PVT1: variants seen among roughly 807,000 people sequenced by gnomAD.
PVT1 encodes CXCR4/PVT1 fusion.
At chr8:128,062,036 G>A (rs1256104448) in intron 4 of PVT1, among the ~76,000 whole-genome samples, 3 of 152,222 alleles carry the variant, frequency 2.0e-5, no homozygotes, top group Non-Finnish European at 2.9e-5. Context: ...GCAAGGCCAC[G>A]TGCAAGAAAA....
intron 3 of PVT1, among the ~76,000 whole-genome samples, chr8:127,983,238 A>G (rs115641867): frequency 0.043 from 6,492 of 152,276 alleles, 269 homozygotes; most frequent in African/African-American, 0.1. Flanking sequence ...CAGCCTGGCC[A>G]TGGGCTGTAG....
chr8:128,064,441 T>G (rs920853715), intron 4 of PVT1, among the ~76,000 whole-genome samples: 8 of 152,184 alleles, frequency 5.3e-5, no homozygotes, highest in Non-Finnish European at 1.0e-4. Context: ...TCCTCCCTAA[T>G]TGCCTCCCCC....
At chr8:127,951,085 A>G (rs992009058) in intron 3 of PVT1, among the ~76,000 whole-genome samples, 2 of 152,088 alleles carry the variant, frequency 1.3e-5, no homozygotes, top group Non-Finnish European at 2.9e-5. Flanking sequence ...CTTAGTAGAG[A>G]TGGGGTTTCA....
chr8:127,889,510 T>C (rs1008794846), intron 2 of PVT1, among the ~76,000 whole-genome samples: 1 of 151,556 alleles, frequency 6.6e-6, no homozygotes, highest in Non-Finnish European at 1.5e-5. Context: ...TCTCTGGGCC[T>C]CAAATTTCTC....
chr8:128,065,471 C>T (rs112552363), intron 4 of PVT1, among the ~76,000 whole-genome samples: 2,560 of 152,284 alleles, frequency 0.017, 59 homozygotes, highest in African/African-American at 0.058. Context: ...CAGGTGTGAG[C>T]CACCACGCCC....
chr8:127,917,190 T>C (rs1815995719), intron 3 of PVT1, among the ~76,000 whole-genome samples: 1 of 152,092 alleles, frequency 6.6e-6, no homozygotes, highest in African/African-American at 2.4e-5. Flanking sequence ...TGCGCTACCA[T>C]CTAATCCATC....
chr8:128,048,829 T>C (rs1479280826), intron 4 of PVT1, among the ~76,000 whole-genome samples: 3 of 152,154 alleles, frequency 2.0e-5, no homozygotes, highest in Admixed American at 2.0e-4. Context: ...TCAGGAGAAA[T>C]GTGTGGAGAG....
chr8:127,800,568 C>T lies in PVT1; in HGVS notation n.372+4497C>T, dbSNP rs143717700. Among the ~76,000 whole-genome samples, 393 of 152,278 alleles carry T rather than the reference C, an allele frequency of 2.6e-3. 1 individual carries two copies. The highest frequency in any genetic ancestry group is 9.0e-3 in the African/African-American group (375 of 41,550). On this transcript the variant is annotated intron_variant and non_coding_transcript_variant, in intron 2 of 10. Transcript: ENST00000651587. Reference sequence around the variant, plus strand: ...ATGTTTATTATTATTATATTATTCTCCTCCCTCATAAAATGGCAGCCTCCC... The same window carrying T: ...ATGTTTATTATTATTATATTATTCTTCTCCCTCATAAAATGGCAGCCTCCC...
intron 2 of PVT1, among the ~76,000 whole-genome samples, chr8:127,839,631 G>T (rs1233049807): frequency 6.6e-6 from 1 of 150,910 alleles, no homozygotes; most frequent in Non-Finnish European, 1.5e-5. Flanking sequence ...GGGACTTGAA[G>T]CCAGATAATA....
intron 2 of PVT1, among the ~76,000 whole-genome samples, chr8:127,823,259 G>GTGGC (rs1413283826): frequency 1.2e-4 from 18 of 152,202 alleles, no homozygotes; most frequent in Non-Finnish European, 5.9e-5. Context: ...GCTTTAGGCT[G>GTGGC]TGGCTGCCAG....
At chr8:127,935,673 G>A (rs1816264322) in intron 3 of PVT1, among the ~76,000 whole-genome samples, 1 of 151,760 alleles carries the variant, frequency 6.6e-6, no homozygotes, top group Non-Finnish European at 1.5e-5. Context: ...GCACAATCGT[G>A]GGAGGTTACT....
chr8:127,969,934 C>T (rs536684221), intron 3 of PVT1, among the ~76,000 whole-genome samples: 31 of 152,238 alleles, frequency 2.0e-4, no homozygotes, highest in Admixed American at 1.5e-3. Flanking sequence ...CCAGTCTGGG[C>T]GATATTCTTT....
intron 5 of PVT1, among the ~76,000 whole-genome samples, chr8:128,089,480 C>T (rs1338767702): frequency 6.6e-6 from 1 of 152,110 alleles, no homozygotes; most frequent in Non-Finnish European, 1.5e-5. Context: ...ACCATCACCC[C>T]CAAAAGGCCC....
At position 128,049,662 on chromosome 8, in the gene PVT1, G is replaced by A. The variant is rs541549485; in HGVS notation, n.913-20498G>A. On this transcript the variant is annotated intron_variant and non_coding_transcript_variant, in intron 4 of 10. Transcript: ENST00000651587. ...ATGCTCTCTGGTATCAGTTTGGAAG[G>A]CACTGGCAGGATGGGAAGGCAGGCG... is the stretch of plus-strand genomic sequence containing the variant. Among the ~76,000 whole-genome samples the A allele has an allele frequency of 8.1e-4, 124 of 152,188 alleles. 1 individual carries two copies. Among genetic ancestry groups the A allele is most frequent in the Admixed American group, 5.3e-3 (81 of 15,296 alleles).
intron 2 of PVT1, among the ~76,000 whole-genome samples, chr8:127,799,402 T>A (rs1377530640): frequency 1.3e-5 from 2 of 152,012 alleles, no homozygotes; most frequent in Admixed American, 6.6e-5. Flanking sequence ...CTGTAAAAAA[T>A]AATAAAATAA....
At chr8:127,891,471 C>T (rs564560367) in intron 3 of PVT1, among the ~76,000 whole-genome samples, 1 of 152,308 alleles carries the variant, frequency 6.6e-6, no homozygotes, top group South Asian at 2.1e-4. Context: ...TGGGCAGATG[C>T]ATGTGGAGGC....
intron 4 of PVT1, among the ~76,000 whole-genome samples, chr8:128,011,501 A>G (rs1390686198): frequency 6.6e-6 from 1 of 152,200 alleles, no homozygotes; most frequent in Non-Finnish European, 1.5e-5. Context: ...GGAGCCATCC[A>G]CAATGCAAGG....
In PVT1 at chr8:127,923,532, T is replaced by C. The variant is rs138989692; in HGVS notation, n.782+32534T>C. 6.0e-3 allele frequency among the ~76,000 whole-genome samples: 906 copies of C among 152,194 alleles called. 17 individuals carry two copies. The highest frequency in any genetic ancestry group is 0.021 in the African/African-American group (864 of 41,498). On this transcript the variant is annotated intron_variant and non_coding_transcript_variant, in intron 3 of 10. Coordinates refer to ENST00000651587, the Ensembl canonical transcript of PVT1. The stretch of plus-strand genomic sequence containing the variant: ...GCTGCTGTCACTGCCTTGGTTTGGG[T>C]CCCCGCTTCTGAGCAGGATCTTCTA...
rs577975530 is a variant in PVT1, at chr8:127,930,165, A to AT, written n.782+39176dup. ...GGTGGGGCGGTGCGGAATTATTATTATTTTTTTTTGGGACAGAGTCTCACT... is the reference window on the plus strand; with the variant it reads ...GGTGGGGCGGTGCGGAATTATTATTATTTTTTTTTTGGGACAGAGTCTCACT... On this transcript the variant is annotated intron_variant and non_coding_transcript_variant, in intron 3 of 10. Coordinates refer to ENST00000651587, the Ensembl canonical transcript of PVT1. Among the ~76,000 whole-genome samples, 621 of 151,026 alleles carry AT rather than the reference A, an allele frequency of 4.1e-3. 3 individuals are homozygous for AT. The highest frequency in any genetic ancestry group is 6.9e-3 in the Non-Finnish European group (468 of 67,668).
Sources: gnomAD v4.1 joint callset for allele counts (sites outside exome capture counted in the v4.1 genomes callset) on GRCh38, gnomAD v4.1.1 for gene constraint, MANE v1.5 for transcripts, NCBI Gene and HGNC (gene_info 2026-07-23, HGNC 2026-07-21) for gene names.